Variants in NOTCH2 observed in about 807,000 individuals in gnomAD.
NOTCH2 encodes notch receptor 2.
In NOTCH2, 29 loss-of-function variants were observed where a neutral mutation model predicts 235.8. That is an observed-to-expected ratio of 0.12 (90% confidence interval 0.09 to 0.17). The LOEUF is 0.17. Among genes scored for constraint, NOTCH2 ranks in the 10% least tolerant of loss-of-function variants. The pLI is 1.00. For synonymous variants in NOTCH2, 1,086 were observed against 1,141.5 expected (o/e 0.95, Z 0.98); for missense variants, 2,285 against 3,150.2 (o/e 0.73, Z 6.57).
chr1:120,003,290 C>CT (rs1553205768), intron 3 of NOTCH2, among the ~76,000 whole-genome samples: 1 of 151,940 alleles, frequency 6.6e-6, no homozygotes, highest in African/African-American at 2.4e-5. Flanking sequence ...GCTCCTCAGC[C>CT]TGCAGACAGC....
At chr1:119,953,753 T>C in intron 13 of NOTCH2, 65 bp from the exon 14 acceptor site, 1 of 1,409,510 alleles carries the variant, frequency 7.1e-7, no homozygotes, top group South Asian at 1.1e-5. Context: ...TAGAGTGAAA[T>C]ACAGGACTTG....
chr1:119,973,485 G>A (rs781889435), intron 5 of NOTCH2, among the ~76,000 whole-genome samples: 7 of 152,186 alleles, frequency 4.6e-5, no homozygotes, highest in East Asian at 3.8e-4. Context: ...AAGTTCACAC[G>A]GTTGGTGAGT....
At chr1:119,996,633 C>T in intron 4 of NOTCH2, 1 of 824,586 alleles carries the variant, frequency 1.2e-6, no homozygotes. Context: ...GTTTAAAGCA[C>T]TTTATTAACC....
At chr1:119,984,961 G>A (rs1489702491) in intron 5 of NOTCH2, among the ~76,000 whole-genome samples, 1 of 152,116 alleles carries the variant, frequency 6.6e-6, no homozygotes, top group Non-Finnish European at 1.5e-5. Flanking sequence ...AATGGGGGAG[G>A]AGTGGAGAAG....
At chr1:119,996,683 C>T (rs371439898) in intron 4 of NOTCH2, 35 of 1,085,130 alleles carry the variant, frequency 3.2e-5, no homozygotes, top group Non-Finnish European at 5.0e-5. Context: ...TCATCGTGTT[C>T]TTTTCCATTC....
intron 5 of NOTCH2, among the ~76,000 whole-genome samples, chr1:119,976,060 G>C (rs1321642120): frequency 6.6e-6 from 1 of 152,228 alleles, no homozygotes; most frequent in African/African-American, 2.4e-5. Context: ...GTCCAGTTAA[G>C]GGTCAACTCT....
chr1:119,951,858 T>C (rs1650487689), intron 14 of NOTCH2, among the ~76,000 whole-genome samples: 1 of 152,262 alleles, frequency 6.6e-6, no homozygotes, highest in African/African-American at 2.4e-5. Context: ...TTTGGGATTT[T>C]ACCTTTTGAA....
chr1:119,970,059 T>C (rs1001219749), intron 5 of NOTCH2, among the ~76,000 whole-genome samples: 1 of 151,950 alleles, frequency 6.6e-6, no homozygotes, highest in East Asian at 1.9e-4. Flanking sequence ...TCAATGAACA[T>C]ATAAGTAAGA....
chr1:120,015,233 T>C (rs1553207772), intron 2 of NOTCH2, among the ~76,000 whole-genome samples: 1 of 152,214 alleles, frequency 6.6e-6, no homozygotes, highest in East Asian at 1.9e-4. Flanking sequence ...TTACTCCCTC[T>C]GGGCTAGTTT....
chr1:119,943,980 C>G (rs1399686639), intron 17 of NOTCH2, among the ~76,000 whole-genome samples: 4 of 151,866 alleles, frequency 2.6e-5, no homozygotes, highest in Admixed American at 2.6e-4. Context: ...ATAGAGGAAA[C>G]AATTAGTAAA....
chr1:120,028,524 T>C (rs2725951), intron 2 of NOTCH2, among the ~76,000 whole-genome samples: 2 of 150,604 alleles, frequency 1.3e-5, no homozygotes, highest in South Asian at 2.1e-4. Context: ...GTTATCTTTA[T>C]TCCAATCCAA....
chr1:119,978,417 G>A (rs1651676489), intron 5 of NOTCH2, among the ~76,000 whole-genome samples: 1 of 152,166 alleles, frequency 6.6e-6, no homozygotes, highest in African/African-American at 2.4e-5. Context: ...GTTTCAGAAA[G>A]TCCACTCTGC....
rs777102495 is a variant in NOTCH2, at chr1:120,005,077, C to T, written c.415+252G>A. On this transcript the variant is annotated intron_variant, in intron 3 of 33. Transcript: ENST00000256646. ...TGCTGGGATTGCAAGCGTGCACCAC[C>T]GCACCTGGCCCTGACATATATACTT... is the stretch of plus-strand genomic sequence containing the variant. 7.9e-5 allele frequency among the ~76,000 whole-genome samples: 12 copies of T among 152,184 alleles called. No individual in the cohort carries two copies. The East Asian group carries it at 1.3e-3, about 17-fold the overall frequency.
rs868991629 is a variant in NOTCH2, at chr1:120,041,010, C to T, written c.74-11023G>A. Among the ~76,000 whole-genome samples the T allele has an allele frequency of 1.8e-4, 23 of 124,934 alleles. 1 individual carries two copies. The highest frequency in any genetic ancestry group is 6.0e-3 in the Middle Eastern group (1 of 168). The allele number at this position is 124,934 out of a possible 152,430, so 82.0% of individuals were successfully genotyped here. On this transcript the variant is annotated intron_variant, in intron 1 of 33. Coordinates refer to ENST00000256646, the MANE Select transcript of NOTCH2 (RefSeq NM_024408.4). ...GAGCCGAGATTGTGCCACTGCACTC[C>T]AGCCTGGGCGACAGAGCAAGACTCT...
intron 12 of NOTCH2, among the ~76,000 whole-genome samples, chr1:119,957,785 C>A (rs1475836804): frequency 6.6e-6 from 1 of 150,376 alleles, no homozygotes; most frequent in Non-Finnish European, 1.5e-5. Flanking sequence ...GAATATGATT[C>A]ATTGGCATTC....
intron 1 of NOTCH2, among the ~76,000 whole-genome samples, chr1:120,063,167 A>G (rs1342708925): frequency 1.3e-5 from 2 of 151,692 alleles, no homozygotes; most frequent in Non-Finnish European, 2.9e-5. Context: ...CTTCTTGCAG[A>G]TTGTTTTGTT....
rs1299304880 is a variant in NOTCH2, at chr1:120,069,128, G to A, written c.73+206C>T. ...GGGGTCCCGGGCCGCGGGGAGCAGA[G>A]GCGGCGGGGAACCCCGGCGGTTGGC... is the stretch of plus-strand genomic sequence containing the variant. On this transcript the variant is annotated intron_variant, in intron 1 of 33. Transcript: ENST00000256646. 7.2e-6 allele frequency: 11 copies of A among 1,525,932 alleles called. No homozygotes were observed. In the East Asian group the frequency reaches 2.2e-4, roughly 31 times the overall value. The allele number at this position is 1,525,932 out of a possible 1,614,324, so 94.5% of individuals were successfully genotyped here.
intron 5 of NOTCH2, among the ~76,000 whole-genome samples, chr1:119,972,204 C>A (rs1174977287): frequency 6.6e-6 from 1 of 151,988 alleles, no homozygotes; most frequent in Middle Eastern, 3.2e-3. Context: ...GGAGTGAGCT[C>A]ACCGGCAATA....
At chr1:119,920,449 C>A (rs775561606) in intron 29 of NOTCH2, 52 bp from the exon 30 acceptor site, 11 of 1,601,302 alleles carry the variant, frequency 6.9e-6, no homozygotes. Flanking sequence ...CCAGAAACTG[C>A]TAATCAGAAG....
Sources: allele counts gnomAD v4.1 joint callset (sites outside exome capture counted in the v4.1 genomes callset), GRCh38; gene constraint gnomAD v4.1.1; transcripts MANE v1.5; gene names NCBI Gene and HGNC (gene_info 2026-07-23, HGNC 2026-07-21).